Variants in ADGRL2 observed in about 807,000 individuals in gnomAD.
ADGRL2 encodes the protein adhesion G protein-coupled receptor L2.
Under a neutral mutation model 157.4 loss-of-function variants are expected in ADGRL2, and 44 were observed. That is an observed-to-expected ratio of 0.28 (90% confidence interval 0.22 to 0.36). ADGRL2 has a LOEUF of 0.36. ADGRL2 is among the 10% of genes least tolerant of loss of function. ADGRL2 has a pLI of 1.00. For missense variants in ADGRL2, 1,510 were observed against 1,768.9 expected (o/e 0.85, Z 2.63); for synonymous variants, 585 against 624.7 (o/e 0.94, Z 0.95).
chr1:81,438,085 C>T (rs914385940), intron 1 of ADGRL2, among the ~76,000 whole-genome samples: 6 of 151,450 alleles, frequency 4.0e-5, no homozygotes, highest in Non-Finnish European at 8.8e-5. Context: ...CGAATATGCC[C>T]CGTGATCAAC....
intron 3 of ADGRL2, among the ~76,000 whole-genome samples, chr1:81,639,019 G>GCAAGAGC (rs1281030042): frequency 6.6e-6 from 1 of 152,044 alleles, no homozygotes. Flanking sequence ...AAGAAAAGCA[G>GCAAGAGC]CAAGACCCAA....
intron 1 of ADGRL2, among the ~76,000 whole-genome samples, chr1:81,831,208 G>T (rs938312213): frequency 3.3e-5 from 5 of 152,082 alleles, no homozygotes; most frequent in African/African-American, 1.2e-4. Flanking sequence ...TTATTCTTTG[G>T]ACTTACTATG....
intron 1 of ADGRL2, among the ~76,000 whole-genome samples, chr1:81,754,436 TCC>T (rs2085601200): frequency 7.0e-6 from 1 of 143,772 alleles, no homozygotes; most frequent in South Asian, 2.4e-4. Context: ...TTTCTCCTCC[TCC>T]TTCTCCTCCT....
At chr1:81,673,000 TCAG>T (rs1351515007) in intron 3 of ADGRL2, among the ~76,000 whole-genome samples, 1 of 152,218 alleles carries the variant, frequency 6.6e-6, no homozygotes, top group African/African-American at 2.4e-5. Flanking sequence ...CCAACTAGCC[TCAG>T]GGAAAGTGTA....
chr1:81,656,796 G>A (rs1157692213), intron 3 of ADGRL2, among the ~76,000 whole-genome samples: 4 of 151,926 alleles, frequency 2.6e-5, no homozygotes, highest in Non-Finnish European at 2.9e-5. Context: ...GATTGCTTGA[G>A]CCCAGGAGTT....
chr1:81,351,626 A>G (rs1173240322), intron 1 of ADGRL2, among the ~76,000 whole-genome samples: 1 of 152,106 alleles, frequency 6.6e-6, no homozygotes, highest in Non-Finnish European at 1.5e-5. Context: ...TCCTTGATGT[A>G]TTTTACCCAG....
chr1:81,490,441 A>G (rs2078607382), intron 2 of ADGRL2, among the ~76,000 whole-genome samples: 1 of 152,124 alleles, frequency 6.6e-6, no homozygotes, highest in African/African-American at 2.4e-5. Context: ...AACTTAACAT[A>G]TTCCTAAAAA....
At chr1:81,775,848 A>G (rs192105344) in intron 2 of ADGRL2, among the ~76,000 whole-genome samples, 2 of 152,318 alleles carry the variant, frequency 1.3e-5, no homozygotes, top group South Asian at 2.1e-4. Context: ...CTCCTTTTCT[A>G]AATGTATACA....
At chr1:81,493,322 G>C (rs1470732657) in intron 2 of ADGRL2, among the ~76,000 whole-genome samples, 1 of 152,174 alleles carries the variant, frequency 6.6e-6, no homozygotes, top group African/African-American at 2.4e-5. Context: ...AGCCAAACTT[G>C]TAGGGAAAGC....
At chr1:81,367,373 T>C (rs4483450) in intron 1 of ADGRL2, among the ~76,000 whole-genome samples, 115,300 of 151,936 alleles carry the variant, frequency 0.76, 43,930 homozygotes, top group Middle Eastern at 0.84. Flanking sequence ...CTCTCCCTTC[T>C]CCTGACCCCC....
intron 1 of ADGRL2, among the ~76,000 whole-genome samples, chr1:81,388,911 G>A (rs1049892617): frequency 6.6e-6 from 1 of 151,964 alleles, no homozygotes. Flanking sequence ...GGGCTTTTTG[G>A]GGCCCCAGCT....
At chr1:81,758,283 A>AAGC (rs2085757642) in intron 1 of ADGRL2, among the ~76,000 whole-genome samples, 1 of 152,114 alleles carries the variant, frequency 6.6e-6, no homozygotes, top group Non-Finnish European at 1.5e-5. Flanking sequence ...AGTCTAACAT[A>AAGC]AGCAGCAGCA....
At chr1:81,933,264 T>G (rs912041718) in intron 3 of ADGRL2, among the ~76,000 whole-genome samples, 1 of 152,210 alleles carries the variant, frequency 6.6e-6, no homozygotes, top group African/African-American at 2.4e-5. Flanking sequence ...TCTTTTGCCT[T>G]GTTCTCATTC....
chr1:81,367,111 G>T (rs187644813), intron 1 of ADGRL2, among the ~76,000 whole-genome samples: 2 of 152,252 alleles, frequency 1.3e-5, no homozygotes, highest in East Asian at 3.9e-4. Flanking sequence ...CAACTTTCCT[G>T]CTAGCCCTGT....
intron 1 of ADGRL2, among the ~76,000 whole-genome samples, chr1:81,391,533 T>C (rs2076558759): frequency 6.6e-6 from 1 of 152,292 alleles, no homozygotes; most frequent in African/African-American, 2.4e-5. Flanking sequence ...GTGGCTCACA[T>C]ATTTTTTTCT....
intron 1 of ADGRL2, among the ~76,000 whole-genome samples, chr1:81,386,863 C>T (rs12084702): frequency 3.9e-5 from 6 of 152,078 alleles, no homozygotes; most frequent in Non-Finnish European, 7.4e-5. Context: ...CAGGAGAAGC[C>T]TCAGTTCAAA....
intron 2 of ADGRL2, among the ~76,000 whole-genome samples, chr1:81,776,191 ATT>A (rs34378166): frequency 2.3e-4 from 33 of 144,946 alleles, no homozygotes; most frequent in South Asian, 6.6e-4. Flanking sequence ...ACCTTAAAGC[ATT>A]TTTTTTTTTT....
At chr1:81,323,054 C>T (rs749671092) in intron 1 of ADGRL2, among the ~76,000 whole-genome samples, 21 of 152,116 alleles carry the variant, frequency 1.4e-4, no homozygotes, top group Middle Eastern at 6.8e-3. Context: ...GACGGGGTTT[C>T]GCTATGTTGC....
chr1:81,375,952 A>T (rs2076241210), intron 1 of ADGRL2, among the ~76,000 whole-genome samples: 1 of 152,106 alleles, frequency 6.6e-6, no homozygotes, highest in Admixed American at 6.5e-5. Context: ...TCGGTCTTAT[A>T]CTTACTAACT....
Sources: gnomAD v4.1 joint callset for allele counts (sites outside exome capture counted in the v4.1 genomes callset) on GRCh38, gnomAD v4.1.1 for gene constraint, MANE v1.5 for transcripts, NCBI Gene and HGNC (gene_info 2026-07-23, HGNC 2026-07-21) for gene names.